Variants in KCNQ5 observed in about 807,000 individuals in gnomAD.
KCNQ5 encodes potassium voltage-gated channel subfamily KQT member 5.
KCNQ5 carries 30 observed loss-of-function variants against 98.2 expected under a neutral mutation model. The ratio of observed to expected loss-of-function variants is 0.31; its 90% CI spans 0.23 to 0.41. The LOEUF (loss-of-function observed/expected upper bound fraction) is 0.41. KCNQ5 is among the 10% of genes least tolerant of loss of function. KCNQ5 has a pLI of 1.00. For synonymous variants in KCNQ5, 458 were observed against 449.4 expected (o/e 1.02, Z -0.24); for missense variants, 835 against 1,182.5 (o/e 0.71, Z 4.31).
intron 8 of KCNQ5, among the ~76,000 whole-genome samples, chr6:73,121,758 T>C (rs1775761301): frequency 6.6e-6 from 1 of 152,194 alleles, no homozygotes. Context: ...GCAGAATGCA[T>C]ACCATTGGGA....
chr6:73,124,941 A>T (rs1278263985), intron 9 of KCNQ5, among the ~76,000 whole-genome samples: 2 of 24,668 alleles, frequency 8.1e-5, no homozygotes, highest in Non-Finnish European at 1.3e-4. Context: ...GGAGTGATAT[A>T]TATATATATA....
In KCNQ5 at chr6:72,726,472, C is replaced by T. The variant is rs981018157; in HGVS notation, c.398+103885C>T. On this transcript the variant is annotated intron_variant, in intron 1 of 13. Transcript: ENST00000370398. ...TCGTGATCCGCCCGCCTCGGCCTCC[C>T]AAAGTGCTAGGATTACAGGCGTAAG... Among the ~76,000 whole-genome samples the T allele has an allele frequency of 2.0e-5, 3 of 152,268 alleles. No individual in the cohort carries two copies. In the East Asian group the frequency reaches 5.8e-4, roughly 29 times the overall value.
rs567002829 is a variant in KCNQ5 at position 73,049,964 on chromosome 6, T to A, written c.616+7902T>A. Among the ~76,000 whole-genome samples the A allele has an allele frequency of 2.0e-5, 3 of 151,952 alleles. No homozygotes were observed. In the South Asian group the frequency reaches 6.3e-4, roughly 32 times the overall value. On this transcript the variant is annotated intron_variant, in intron 3 of 13. Transcript: ENST00000370398. ...TTAAAGGGAGAGCAAGGTAGGAGGATCACTTGAGCCTAGGAGTTCAAAATC... is the reference window on the plus strand; with the variant it reads ...TTAAAGGGAGAGCAAGGTAGGAGGAACACTTGAGCCTAGGAGTTCAAAATC...
chr6:72,983,021 A>G (rs926171083), intron 1 of KCNQ5, among the ~76,000 whole-genome samples: 12 of 152,142 alleles, frequency 7.9e-5, no homozygotes, highest in African/African-American at 2.9e-4. Flanking sequence ...TGGCTTGTTG[A>G]GTTTCTGCCG....
chr6:72,804,083 T>G (rs937560332), intron 1 of KCNQ5, among the ~76,000 whole-genome samples: 4 of 152,132 alleles, frequency 2.6e-5, no homozygotes, highest in African/African-American at 9.7e-5. Flanking sequence ...GTTAAATTTT[T>G]GTGAGTACAT....
At chr6:72,805,478 T>C (rs978027354) in intron 1 of KCNQ5, among the ~76,000 whole-genome samples, 1 of 152,164 alleles carries the variant, frequency 6.6e-6, no homozygotes, top group Non-Finnish European at 1.5e-5. Context: ...TGTAGATATA[T>C]AGATATATGG....
intron 9 of KCNQ5, among the ~76,000 whole-genome samples, chr6:73,124,803 G>C (rs569628922): frequency 5.3e-5 from 8 of 151,512 alleles, no homozygotes; most frequent in African/African-American, 1.9e-4. Flanking sequence ...TGTTTTCCCA[G>C]ACAGAAGTCT....
chr6:73,105,772 C>G (rs1315597357), intron 6 of KCNQ5, among the ~76,000 whole-genome samples: 1 of 152,076 alleles, frequency 6.6e-6, no homozygotes, highest in African/African-American at 2.4e-5. Flanking sequence ...TCTTCAGATC[C>G]ATTTGAGTGA....
chr6:72,977,395 G>A (rs1008412782), intron 1 of KCNQ5, among the ~76,000 whole-genome samples: 6 of 152,096 alleles, frequency 3.9e-5, no homozygotes, highest in Middle Eastern at 3.2e-3. Flanking sequence ...GAAACCAGCC[G>A]GACCTGCCTA....
Position 73,195,313 on chromosome 6 carries a change from T to C in KCNQ5, c.2698T>C (p.Ser900Pro). The C allele has an allele frequency of 6.2e-7, 1 of 1,614,194 alleles. No homozygotes were observed. The highest frequency in any genetic ancestry group is 8.5e-7 in the Non-Finnish European group (1 of 1,180,046). ...GCCTGCCAGGGAAGCTGCCTTTGCATCAGACTCTCTAAGGACTGGAAGGTC... is the reference window on the plus strand; with the variant it reads ...GCCTGCCAGGGAAGCTGCCTTTGCACCAGACTCTCTAAGGACTGGAAGGTC... Reference protein sequence around the residue: ...PQPAREAAFASDSLRTGRSRS... With the variant: ...PQPAREAAFAPDSLRTGRSRS... The change falls in exon 14 of 14, where the codon TCA becomes CCA. Residue 900 changes from serine to proline, a missense_variant. Ser to Pro is a moderately conservative substitution (Grantham distance 74). Transcript: ENST00000370398.
chr6:72,780,531 C>A (rs1185540456), intron 1 of KCNQ5, among the ~76,000 whole-genome samples: 1 of 152,146 alleles, frequency 6.6e-6, no homozygotes, highest in Admixed American at 6.5e-5. Flanking sequence ...GAGTCTGGAG[C>A]ATCCCAGACT....
At chr6:72,730,540 C>T (rs542219289) in intron 1 of KCNQ5, among the ~76,000 whole-genome samples, 116 of 152,216 alleles carry the variant, frequency 7.6e-4, no homozygotes, top group Non-Finnish European at 1.5e-3. Context: ...TGTATGGCCA[C>T]CCAGTTGTCT....
intron 3 of KCNQ5, among the ~76,000 whole-genome samples, chr6:73,068,744 G>A (rs950402201): frequency 1.3e-5 from 2 of 152,080 alleles, no homozygotes; most frequent in Admixed American, 1.3e-4. Flanking sequence ...TTAGAAATCT[G>A]GATTGGTTCT....
chr6:72,784,293 T>A (rs955825587), intron 1 of KCNQ5, among the ~76,000 whole-genome samples: 1 of 152,062 alleles, frequency 6.6e-6, no homozygotes, highest in Non-Finnish European at 1.5e-5. Context: ...CTTCCCTAGA[T>A]TCCAAACTTG....
chr6:72,900,204 G>T (rs188653376), intron 1 of KCNQ5, among the ~76,000 whole-genome samples: 46 of 151,998 alleles, frequency 3.0e-4, no homozygotes, highest in African/African-American at 1.1e-3. Context: ...AACATATGAT[G>T]ATTGGTTTTC....
intron 1 of KCNQ5, among the ~76,000 whole-genome samples, chr6:72,742,959 T>G (rs1771205307): frequency 6.6e-6 from 1 of 152,238 alleles, no homozygotes; most frequent in African/African-American, 2.4e-5. Context: ...TATTCTTGCT[T>G]CTTTGAAAAT....
intron 10 of KCNQ5, chr6:73,135,495 T>C (rs1452350870): frequency 6.6e-6 from 1 of 150,678 alleles, no homozygotes; most frequent in Non-Finnish European, 1.5e-5. Context: ...GAAAAAAAAT[T>C]AGCCCTTCCT....
chr6:73,195,128 C>T lies in KCNQ5; in HGVS notation c.2513C>T (p.Ser838Leu), dbSNP rs772545046. 14 of 1,614,130 alleles carry T rather than the reference C, an allele frequency of 8.7e-6. No individual in the cohort carries two copies. Among genetic ancestry groups the T allele is most frequent in the East Asian group, 2.2e-5 (1 of 44,884 alleles). ...KSLSVQNLIR[S>L]TEELNIQLSG... is the part of the protein sequence containing the mutation. Reference sequence around the variant, plus strand: ...TTGTCTGTGCAAAACCTGATCAGGTCGACCGAGGAACTGAATATACAACTT... The same window carrying T: ...TTGTCTGTGCAAAACCTGATCAGGTTGACCGAGGAACTGAATATACAACTT... Residue 838 changes from serine (S) to leucine (L), a missense_variant, in exon 14 of 14, where the codon TCG becomes TTG. This residue lies in a region of KCNQ5 where 416 missense variants were observed against 446.9 expected (regional missense o/e 0.93). Coordinates refer to ENST00000370398, the MANE Select transcript of KCNQ5 (RefSeq NM_019842.4).
intron 2 of KCNQ5, among the ~76,000 whole-genome samples, chr6:73,014,188 C>CT (rs1770209513): frequency 1.3e-5 from 2 of 152,066 alleles, no homozygotes; most frequent in Non-Finnish European, 2.9e-5. Context: ...ACAATACTGT[C>CT]TGGAGTGCAT....
Sources: allele counts gnomAD v4.1 joint callset (sites outside exome capture counted in the v4.1 genomes callset), GRCh38; gene constraint gnomAD v4.1.1; regional missense constraint gnomAD v4.1.1; transcripts MANE v1.5; gene names NCBI Gene and HGNC (gene_info 2026-07-23, HGNC 2026-07-21).